Variants in SOCS5 observed in about 807,000 individuals in gnomAD.
SOCS5 encodes the protein suppressor of cytokine signaling 5.
In SOCS5, 32 loss-of-function variants were observed where a neutral mutation model predicts 42.8. That is an observed-to-expected ratio of 0.75 (90% CI 0.56 to 1.01). The LOEUF (loss-of-function observed/expected upper bound fraction) is 1.01. SOCS5 is among the 50% of genes least tolerant of loss of function. The probability of loss-of-function intolerance (pLI) is 0.00; values close to 1 mark genes in which losing one functional copy is unlikely to be tolerated. For synonymous variants in SOCS5, 283 were observed against 229.6 expected, an observed-to-expected ratio of 1.23 and a Z score of -2.10; for missense variants, 627 against 653.0, an observed-to-expected ratio of 0.96 and a Z score of 0.43.
At position 46,709,043 on chromosome 2, in the gene SOCS5, C is replaced by T. The variant is rs1257460740; in HGVS notation, c.-13+9594C>T. Among the ~76,000 whole-genome samples the T allele has an allele frequency of 7.2e-5, 11 of 151,998 alleles. No homozygotes were observed. In the East Asian group the frequency reaches 7.7e-4, roughly 11 times the overall value. On this transcript the variant is annotated intron_variant, in intron 1 of 1. Coordinates refer to ENST00000394861, the MANE Select transcript of SOCS5 (RefSeq NM_144949.3). ...CGGGGACTACAGGCATGCACCACCA[C>T]GCCTGGCTAATTTTTGTATTTTTAG...
At chr2:46,734,257 A>G (rs970402454) in intron 1 of SOCS5, among the ~76,000 whole-genome samples, 2 of 152,302 alleles carry the variant, frequency 1.3e-5, no homozygotes, top group Admixed American at 1.3e-4. Flanking sequence ...AATGAATGCC[A>G]CTTGTATGAA....
In SOCS5 at chr2:46,712,447, G is replaced by A. The variant is rs576166485; in HGVS notation, c.-13+12998G>A. 4.1e-5 allele frequency among the ~76,000 whole-genome samples: 6 copies of A among 147,126 alleles called. No homozygotes were observed. In the East Asian group the frequency reaches 1.0e-3, roughly 25 times the overall value. Reference sequence around the variant, plus strand: ...CAACCCCCGCCTCCTGGGTTCAAGCGATTCTTCTGCCTCAGCCTCCCAAGT... The same window carrying A: ...CAACCCCCGCCTCCTGGGTTCAAGCAATTCTTCTGCCTCAGCCTCCCAAGT... On this transcript the variant is annotated intron_variant, in intron 1 of 1. Coordinates refer to ENST00000394861, the MANE Select transcript of SOCS5 (RefSeq NM_144949.3).
intron 1 of SOCS5, among the ~76,000 whole-genome samples, chr2:46,701,862 T>C (rs1402686662): frequency 2.4e-5 from 3 of 125,960 alleles, no homozygotes; most frequent in Non-Finnish European, 4.9e-5. Flanking sequence ...AGAAGGCTTC[T>C]ATATTTTGAA....
At chr2:46,756,316 A>T (rs918364473) in intron 1 of SOCS5, among the ~76,000 whole-genome samples, 1 of 152,224 alleles carries the variant, frequency 6.6e-6, no homozygotes, top group Non-Finnish European at 1.5e-5. Flanking sequence ...GTTTATCTTA[A>T]ATAGGTGGAT....
chr2:46,712,649 C>G (rs1474511692), intron 1 of SOCS5, among the ~76,000 whole-genome samples: 1 of 152,100 alleles, frequency 6.6e-6, no homozygotes, highest in Admixed American at 6.6e-5. Flanking sequence ...GCCTGTTCAG[C>G]TTTCTTAAAA....
At chr2:46,701,668 G>T (rs1459730975) in intron 1 of SOCS5, among the ~76,000 whole-genome samples, 1 of 151,406 alleles carries the variant, frequency 6.6e-6, no homozygotes, top group African/African-American at 2.4e-5. Context: ...GTAAAACTGG[G>T]TGAGCTTTTA....
chr2:46,701,729 T>G (rs1029484277), intron 1 of SOCS5, among the ~76,000 whole-genome samples: 1 of 149,952 alleles, frequency 6.7e-6, no homozygotes, highest in African/African-American at 2.5e-5. Context: ...TGCTGATAGT[T>G]CCCTGTCATT....
At chr2:46,751,279 C>T (rs965375293) in intron 1 of SOCS5, among the ~76,000 whole-genome samples, 5 of 151,896 alleles carry the variant, frequency 3.3e-5, no homozygotes, top group Admixed American at 6.6e-5. Context: ...CAGCTTTTTT[C>T]CAGAGTTTTA....
chr2:46,752,749 C>T (rs1445468947), intron 1 of SOCS5, among the ~76,000 whole-genome samples: 4 of 152,150 alleles, frequency 2.6e-5, no homozygotes, highest in Non-Finnish European at 5.9e-5. Context: ...GCCACAACAG[C>T]AACATTTTAA....
chr2:46,715,900 A>C (rs1672727844), intron 1 of SOCS5, among the ~76,000 whole-genome samples: 1 of 152,120 alleles, frequency 6.6e-6, no homozygotes, highest in Admixed American at 6.5e-5. Context: ...TTTCTCCTAC[A>C]GACTCTAATC....
intron 1 of SOCS5, among the ~76,000 whole-genome samples, chr2:46,725,823 A>G (rs1039353994): frequency 6.6e-6 from 1 of 152,020 alleles, no homozygotes; most frequent in South Asian, 2.1e-4. Context: ...GAATTCTCAT[A>G]ATTTTACCTT....
At chr2:46,722,510 T>C (rs1303935064) in intron 1 of SOCS5, among the ~76,000 whole-genome samples, 1 of 152,190 alleles carries the variant, frequency 6.6e-6, no homozygotes, top group Non-Finnish European at 1.5e-5. Context: ...TATCAATGGT[T>C]GATTCCATTT....
intron 1 of SOCS5, among the ~76,000 whole-genome samples, chr2:46,716,113 T>A (rs1301288477): frequency 4.4e-5 from 1 of 22,968 alleles, no homozygotes; most frequent in South Asian, 1.4e-3. Flanking sequence ...CACCCCCCCT[T>A]TTTTTTTTTT....
intron 1 of SOCS5, among the ~76,000 whole-genome samples, chr2:46,735,247 C>T (rs1046132369): frequency 6.6e-6 from 1 of 152,186 alleles, no homozygotes; most frequent in Non-Finnish European, 1.5e-5. Context: ...TTTGGAAGCT[C>T]TCAGATTTGA....
chr2:46,723,398 G>C (rs1672923613), intron 1 of SOCS5, among the ~76,000 whole-genome samples: 1 of 151,910 alleles, frequency 6.6e-6, no homozygotes, highest in South Asian at 2.1e-4. Context: ...TGTTCTGAAA[G>C]TTTTATAGGT....
At chr2:46,714,473 G>A (rs1168403294) in intron 1 of SOCS5, among the ~76,000 whole-genome samples, 1 of 152,104 alleles carries the variant, frequency 6.6e-6, no homozygotes, top group African/African-American at 2.4e-5. Flanking sequence ...GTATTTACAT[G>A]ATATATCTTT....
intron 1 of SOCS5, among the ~76,000 whole-genome samples, chr2:46,712,970 C>T (rs866044174): frequency 8.5e-5 from 13 of 152,196 alleles, no homozygotes; most frequent in South Asian, 4.2e-4. Flanking sequence ...TGATGTTCTT[C>T]GTTAAATGTT....
In SOCS5 at chr2:46,758,858, C is replaced by A. The variant is rs367987342; in HGVS notation, c.328C>A (p.Arg110=). Residue 110 remains arginine, a synonymous_variant, in exon 2 of 2, where the codon CGA becomes AGA. Transcript: ENST00000394861. ...TGTTACCCCAGGAACAAGACTTGCA[C>A]GAAGAGATTCCTACTCTCGACATGC... ...SCVTPGTRLA[R]RDSYSRHAPW... is the part of the protein sequence containing the mutation. The A allele has an allele frequency of 1.4e-5, 22 of 1,613,770 alleles. 1 individual carries two copies. In the Middle Eastern group the frequency reaches 9.9e-4, roughly 73 times the overall value.
At chr2:46,713,506 A>G (rs1041983045) in intron 1 of SOCS5, among the ~76,000 whole-genome samples, 1 of 152,172 alleles carries the variant, frequency 6.6e-6, no homozygotes, top group Admixed American at 6.5e-5. Context: ...AGTAGGATCT[A>G]TTCCTTCTTT....
Sources: allele counts gnomAD v4.1 joint callset (sites outside exome capture counted in the v4.1 genomes callset), GRCh38; gene constraint gnomAD v4.1.1; transcripts MANE v1.5; gene names NCBI Gene and HGNC (gene_info 2026-07-23, HGNC 2026-07-21).